DYNC2H1: variants seen among roughly 807,000 people sequenced by gnomAD.
DYNC2H1 encodes the protein cytoplasmic dynein 2 heavy chain 1.
Under a neutral mutation model 570.0 loss-of-function variants are expected in DYNC2H1, and 410 were observed. That is an observed-to-expected ratio of 0.72 (90% CI 0.66 to 0.78). The LOEUF (loss-of-function observed/expected upper bound fraction) is 0.78, where lower values mean the gene tolerates loss of function less well. DYNC2H1 is among the 30% of genes least tolerant of loss of function. The probability of loss-of-function intolerance (pLI) is 0.00; values close to 1 mark genes in which losing one functional copy is unlikely to be tolerated. For synonymous variants in DYNC2H1, 1,688 were observed against 1,677.6 expected (o/e 1.01, Z -0.15); for missense variants, 4,865 against 5,046.4 (o/e 0.96, Z 1.09).
chr11:103,431,232 A>AAAC (rs1221783349), intron 84 of DYNC2H1, among the ~76,000 whole-genome samples: 1 of 151,596 alleles, frequency 6.6e-6, no homozygotes, highest in Non-Finnish European at 1.5e-5. Context: ...AAAAAAAAAA[A>AAAC]ACTAAAAAAC....
intron 84 of DYNC2H1, among the ~76,000 whole-genome samples, chr11:103,412,523 G>C (rs1050371673): frequency 6.6e-6 from 1 of 152,098 alleles, no homozygotes; most frequent in Non-Finnish European, 1.5e-5. Context: ...TACCATTTTA[G>C]TAGAAATTAA....
intron 82 of DYNC2H1, among the ~76,000 whole-genome samples, chr11:103,332,312 GAA>G (rs71962098): frequency 0.16 from 19,297 of 122,412 alleles, 1,360 homozygotes; most frequent in Admixed American, 0.26. Context: ...AAAAAACTGG[GAA>G]AAAAAAAAAA....
In DYNC2H1 at chr11:103,305,063, G is replaced by A. The variant is rs574900620; in HGVS notation, c.11382+343G>A. The stretch of plus-strand genomic sequence containing the variant: ...AAGAGACATAGTGGGGTGTCAGAGG[G>A]AACTGCCTAACTTCCTAGGTGCTAA... On this transcript the variant is annotated intron_variant, in intron 77 of 88. Transcript: ENST00000375735. The surrounding 1 kb of genome is among the most constrained non-coding windows in gnomAD (Gnocchi z 4.3). Among the ~76,000 whole-genome samples the A allele has an allele frequency of 6.6e-6, 1 of 152,064 alleles. No individual in the cohort carries two copies. Among genetic ancestry groups the A allele is most frequent in the Non-Finnish European group, 1.5e-5 (1 of 68,008 alleles).
intron 84 of DYNC2H1, among the ~76,000 whole-genome samples, chr11:103,422,582 C>CA (rs1943524933): frequency 6.6e-6 from 1 of 151,914 alleles, no homozygotes; most frequent in Non-Finnish European, 1.5e-5. Flanking sequence ...GAATGAAAGA[C>CA]AAAAAACACA....
intron 15 of DYNC2H1, among the ~76,000 whole-genome samples, chr11:103,134,795 A>AT (rs968889936): frequency 3.9e-5 from 6 of 152,058 alleles, no homozygotes; most frequent in African/African-American, 9.6e-5. Flanking sequence ...TTTATTCCAG[A>AT]TTTTTTTCCT....
Position 103,204,925 on chromosome 11 carries a change from G to C in DYNC2H1, c.8415G>C (p.Val2805=). The change falls in exon 52 of 89, where the codon GTG becomes GTC. Residue 2805 remains valine, a synonymous_variant. Coordinates refer to ENST00000375735, the MANE Select transcript of DYNC2H1 (RefSeq NM_001377.3). The surrounding 1 kb of genome is among the most constrained non-coding windows in gnomAD (Gnocchi z 4.1). The part of the protein sequence containing the change: ...SNPALHKKCQ[V]LWMEGWSNSS... The stretch of plus-strand genomic sequence containing the variant: ...CAGCTTTGCATAAGAAATGCCAGGT[G>C]TTGTGGATGGAGGGTTGGTCCAATA... 1.3e-6 allele frequency: 2 copies of C among 1,593,084 alleles called. No homozygotes were observed. Among genetic ancestry groups the C allele is most frequent in the Non-Finnish European group, 1.7e-6 (2 of 1,168,458 alleles).
Position 103,176,347 on chromosome 11 carries a change from T to A in DYNC2H1, c.5787T>A (p.Ile1929=). The part of the protein sequence containing the change: ...DALIKDVFPG[I]ELKEVEYDEL... ...TGATAAAAGATGTCTTTCCGGGAAT[T>A]GAATTGAAAGAAGTGGAATATGATG... The change falls in exon 37 of 89, where the codon ATT becomes ATA. Residue 1929 remains isoleucine (I), a synonymous_variant. Transcript: ENST00000375735. 1.9e-6 allele frequency: 3 copies of A among 1,588,606 alleles called. No individual in the cohort carries two copies. The East Asian group carries it at 6.9e-5, about 36-fold the overall frequency.
chr11:103,133,838 C>T lies in DYNC2H1; in HGVS notation c.2106+131C>T. On this transcript the variant is annotated intron_variant, in intron 14 of 88. Coordinates refer to ENST00000375735, the MANE Select transcript of DYNC2H1 (RefSeq NM_001377.3). This position sits in a 1 kb window ranked among gnomAD's most constrained non-coding sequence, Gnocchi z 4.8. ...TTACAAAAATAGTACAGAGAAATCA[C>T]AATTCCCATTTGCCCAAATTCCCTG... The T allele has an allele frequency of 1.0e-6, 1 of 999,998 alleles. No individual in the cohort carries two copies. Among genetic ancestry groups the T allele is most frequent in the South Asian group, 2.0e-5 (1 of 49,292 alleles). 61.9% of individuals were successfully genotyped at this position (999,998 alleles called of 1,614,324 possible).
Position 103,165,881 on chromosome 11 carries a change from T to C in DYNC2H1, c.4612-17T>C. On this transcript the variant is annotated splice_polypyrimidine_tract_variant and intron_variant, in intron 30 of 88. Coordinates refer to ENST00000375735, the MANE Select transcript of DYNC2H1 (RefSeq NM_001377.3). ...TAAATTCACCTTTTAAAAATAATTT[T>C]TCTCTTTATTCAATAGATTTTATGC... 1 of 1,433,896 alleles carries C rather than the reference T, an allele frequency of 7.0e-7. No individual in the cohort carries two copies. Among genetic ancestry groups the C allele is most frequent in the South Asian group, 1.6e-5 (1 of 63,994 alleles). 88.8% of individuals were successfully genotyped at this position (1,433,896 alleles called of 1,614,324 possible).
chr11:103,308,355 A>T lies in DYNC2H1; in HGVS notation c.11493+524A>T, dbSNP rs146033876. ...GCAGGATTTCCTTTCTTAAGATAGGATAATATTTCATTGTATGTATATACC... is the reference window on the plus strand; with the variant it reads ...GCAGGATTTCCTTTCTTAAGATAGGTTAATATTTCATTGTATGTATATACC... On this transcript the variant is annotated intron_variant, in intron 78 of 88. Coordinates refer to ENST00000375735, the MANE Select transcript of DYNC2H1 (RefSeq NM_001377.3). 3.9e-3 allele frequency among the ~76,000 whole-genome samples: 593 copies of T among 152,272 alleles called. 2 individuals carry two copies. The highest frequency in any genetic ancestry group is 6.9e-3 in the Non-Finnish European group (468 of 68,006).
At chr11:103,393,521 C>T (rs545654739) in intron 83 of DYNC2H1, among the ~76,000 whole-genome samples, 1 of 152,248 alleles carries the variant, frequency 6.6e-6, no homozygotes, top group East Asian at 1.9e-4. Flanking sequence ...TTTCATATGC[C>T]TTGAAAGTTT....
intron 83 of DYNC2H1, among the ~76,000 whole-genome samples, chr11:103,367,448 T>G (rs1385522985): frequency 1.3e-5 from 2 of 152,134 alleles, no homozygotes; most frequent in African/African-American, 4.8e-5. Flanking sequence ...TTTTCAAAAT[T>G]TGTTGTTACC....
chr11:103,373,783 T>C (rs1424011376), intron 83 of DYNC2H1, among the ~76,000 whole-genome samples: 2 of 152,232 alleles, frequency 1.3e-5, no homozygotes, highest in African/African-American at 4.8e-5. Flanking sequence ...AAGTGGGGTC[T>C]TGGAATCCCC....
intron 83 of DYNC2H1, among the ~76,000 whole-genome samples, chr11:103,379,450 T>C (rs1265753644): frequency 6.6e-6 from 1 of 152,204 alleles, no homozygotes; most frequent in East Asian, 1.9e-4. Flanking sequence ...TAGCCAAATT[T>C]ATCAAATATT....
intron 42 of DYNC2H1, 116 bp from the exon 43 acceptor site, chr11:103,187,224 C>A: frequency 2.2e-6 from 3 of 1,394,928 alleles, no homozygotes; most frequent in Non-Finnish European, 2.9e-6. Flanking sequence ...TTTTTCCTAT[C>A]ATCATATACA....
intron 83 of DYNC2H1, among the ~76,000 whole-genome samples, chr11:103,390,100 T>A (rs182709090): frequency 0.01 from 1,533 of 152,316 alleles, 29 homozygotes; most frequent in African/African-American, 0.035. Flanking sequence ...AGTGGGGTGT[T>A]AAAGTCTCCC....
In DYNC2H1 at chr11:103,312,152, G is replaced by A. The variant is rs1442130859; in HGVS notation, c.11649+119G>A. ...TCCCAGTACTGTGGGAGGCCAAGGT[G>A]GGCGGATCACCTGAGGTCCGGAGTT... On this transcript the variant is annotated intron_variant, in intron 79 of 88. Coordinates refer to ENST00000375735, the MANE Select transcript of DYNC2H1 (RefSeq NM_001377.3). 6.7e-6 allele frequency: 7 copies of A among 1,044,198 alleles called. No homozygotes were observed. In the East Asian group the frequency reaches 1.9e-4, roughly 28 times the overall value. 64.7% of individuals were successfully genotyped at this position (1,044,198 alleles called of 1,614,324 possible). A position where few individuals can be genotyped will look rare whatever the true frequency, so the allele number is the denominator to read the frequency against.
chr11:103,255,587 A>G, intron 67 of DYNC2H1, 53 bp downstream of exon 67: 1 of 1,484,952 alleles, frequency 6.7e-7, no homozygotes, highest in Non-Finnish European at 9.0e-7. Context: ...TTTTTTAATG[A>G]ATACAAATAA....
rs1380123836 is a variant in DYNC2H1, at chr11:103,120,670, A to G, written c.1135-19A>G. The G allele has an allele frequency of 3.1e-6, 5 of 1,609,470 alleles. No individual in the cohort carries two copies. The highest frequency in any genetic ancestry group is 1.7e-5 in the Admixed American group (1 of 59,552). ...ATTTAAAAAATACTAAAGTCTAACA[A>G]TGTTGTTAATGTATGTAGCCCTTGT... On this transcript the variant is annotated intron_variant, in intron 7 of 88. Transcript: ENST00000375735.
Sources: allele counts gnomAD v4.1 joint callset (sites outside exome capture counted in the v4.1 genomes callset), GRCh38; gene constraint gnomAD v4.1.1; non-coding constraint Gnocchi (gnomAD v3.1); transcripts MANE v1.5; gene names NCBI Gene and HGNC (gene_info 2026-07-23, HGNC 2026-07-21).